ATP8A2: variants seen among roughly 807,000 people sequenced by gnomAD.
ATP8A2 encodes ATPase phospholipid transporting 8A2, also known as phospholipid-transporting ATPase IB.
ATP8A2 carries 100 observed loss-of-function variants against 165.6 expected under a neutral mutation model. The ratio of observed to expected loss-of-function variants is 0.60; its 90% confidence interval spans 0.51 to 0.71. The LOEUF is 0.71. Ranked by LOEUF, ATP8A2 falls within the 30% of genes least tolerant of loss-of-function variation. ATP8A2 has a pLI of 0.00. For missense variants in ATP8A2, 1,227 were observed against 1,479.5 expected (o/e 0.83, Z 2.80); for synonymous variants, 543 against 548.8 (o/e 0.99, Z 0.15).
At position 25,574,343 on chromosome 13, in the gene ATP8A2, T is replaced by G. The variant is rs1465326415; in HGVS notation, c.1663-465T>G. On this transcript the variant is annotated intron_variant, in intron 18 of 36. Transcript: ENST00000381655. The stretch of plus-strand genomic sequence containing the variant: ...TTTGGCAGCAAAACCTAATCAGAAC[T>G]GACATGAAGCTGTTTATGATCTTTA... Among the ~76,000 whole-genome samples the G allele has an allele frequency of 3.9e-5, 6 of 152,222 alleles. No individual in the cohort carries two copies. The South Asian group carries it at 1.0e-3, about 26-fold the overall frequency.
chr13:25,907,368 TAAAATAAAATA>T lies in ATP8A2; in HGVS notation c.3183+44964_3183+44974del, dbSNP rs930662572. Reference sequence around the variant, plus strand: ...TCCATCTCAAAAATAAATAAAAAAATAAAATAAAATAAAATAAAATAAAAGGAGCTAAGTTA... The same window carrying T: ...TCCATCTCAAAAATAAATAAAAAAATAAATAAAATAAAAGGAGCTAAGTTA... On this transcript the variant is annotated intron_variant, in intron 33 of 36. Coordinates refer to ENST00000381655, the MANE Select transcript of ATP8A2 (RefSeq NM_016529.6). Among the ~76,000 whole-genome samples, 16 of 76,982 alleles carry T rather than the reference TAAAATAAAATA, an allele frequency of 2.1e-4. 1 individual carries two copies. The East Asian group carries it at 2.7e-3, about 13-fold the overall frequency. The allele number at this position is 76,982 out of a possible 152,430, so 50.5% of individuals were successfully genotyped here.
chr13:25,966,028 A>AG (rs1955768738), intron 34 of ATP8A2, among the ~76,000 whole-genome samples: 1 of 77,618 alleles, frequency 1.3e-5, no homozygotes, highest in African/African-American at 4.4e-5. Context: ...AAAGAGTTTC[A>AG]GAAAAAAAAA....
At chr13:25,736,086 T>C (rs61947343) in intron 25 of ATP8A2, among the ~76,000 whole-genome samples, 6,873 of 152,330 alleles carry the variant, frequency 0.045, 179 homozygotes, top group Middle Eastern at 0.068. Flanking sequence ...CAGTAGCATG[T>C]TGTACACATT....
chr13:25,772,748 A>G (rs1380603799), intron 26 of ATP8A2, among the ~76,000 whole-genome samples: 1 of 150,918 alleles, frequency 6.6e-6, no homozygotes, highest in Non-Finnish European at 1.5e-5. Context: ...TTATTTATTT[A>G]TTTATTTATT....
At chr13:25,573,496 C>A (rs1459985302) in intron 18 of ATP8A2, among the ~76,000 whole-genome samples, 1 of 152,154 alleles carries the variant, frequency 6.6e-6, no homozygotes, top group Non-Finnish European at 1.5e-5. Context: ...TTCATCAAAC[C>A]ACCAATTCTC....
intron 1 of ATP8A2, among the ~76,000 whole-genome samples, chr13:25,426,899 T>A (rs565993263): frequency 1.3e-5 from 2 of 152,224 alleles, no homozygotes; most frequent in East Asian, 1.9e-4. Flanking sequence ...TGAGCTGAGA[T>A]CACTCCACTG....
At chr13:25,977,248 T>G (rs1044309663) in intron 35 of ATP8A2, among the ~76,000 whole-genome samples, 1 of 151,868 alleles carries the variant, frequency 6.6e-6, no homozygotes, top group Non-Finnish European at 1.5e-5. Context: ...GCAAAGAACC[T>G]TGGGCAAAGC....
At position 25,862,362 on chromosome 13, in the gene ATP8A2, C is replaced by G; in HGVS notation, c.3137C>G (p.Ser1046Trp). Reference sequence around the variant, plus strand: ...TGGCTGGTGTTTTTTGGCATCTACTCGACCATCTGGCCCACCATTCCCATT... The same window carrying G: ...TGGCTGGTGTTTTTTGGCATCTACTGGACCATCTGGCCCACCATTCCCATT... Reference protein sequence around the residue: ...LTWLVFFGIYSTIWPTIPIAP... With the variant: ...LTWLVFFGIYWTIWPTIPIAP... The change falls in exon 33 of 37, where the codon TCG becomes TGG. Residue 1046 changes from serine (S) to tryptophan (W), a missense_variant. Around this residue, in one of 5 missense-constraint regions of ATP8A2, gnomAD observed 260 missense variants for 245.1 expected, o/e 1.06. Transcript: ENST00000381655. 1 of 1,614,056 alleles carries G rather than the reference C, an allele frequency of 6.2e-7. No homozygotes were observed. Among genetic ancestry groups the G allele is most frequent in the Non-Finnish European group, 8.5e-7 (1 of 1,179,966 alleles).
chr13:25,737,721 C>A (rs141629454), intron 25 of ATP8A2, among the ~76,000 whole-genome samples: 2 of 152,282 alleles, frequency 1.3e-5, no homozygotes, highest in African/African-American at 4.8e-5. Context: ...CTCACTCTGT[C>A]GCCCAGGCTG....
intron 33 of ATP8A2, among the ~76,000 whole-genome samples, chr13:25,960,787 A>C (rs1476918994): frequency 6.6e-6 from 1 of 152,092 alleles, no homozygotes; most frequent in African/African-American, 2.4e-5. Flanking sequence ...TCTGATCCCC[A>C]AAACCCTCTC....
rs983652575 is a variant in ATP8A2 at position 25,696,795 on chromosome 13, A to C, written c.2212-2378A>C. 4.6e-5 allele frequency among the ~76,000 whole-genome samples: 7 copies of C among 152,212 alleles called. No individual in the cohort carries two copies. The South Asian group carries it at 1.4e-3, about 32-fold the overall frequency. On this transcript the variant is annotated intron_variant, in intron 24 of 36. Transcript: ENST00000381655. The stretch of plus-strand genomic sequence containing the variant: ...TTATCATTTGTGTGTTTACTGGAGT[A>C]GCTCTTTTAATTTCCTTCAAGAACT...
At chr13:25,982,239 C>T (rs1956184621) in intron 35 of ATP8A2, among the ~76,000 whole-genome samples, 1 of 152,236 alleles carries the variant, frequency 6.6e-6, no homozygotes, top group Non-Finnish European at 1.5e-5. Flanking sequence ...TCATATGGAA[C>T]TTTGGGCTTA....
At chr13:25,852,189 G>A (rs1022478327) in intron 30 of ATP8A2, among the ~76,000 whole-genome samples, 1 of 152,170 alleles carries the variant, frequency 6.6e-6, no homozygotes, top group African/African-American at 2.4e-5. Flanking sequence ...TTCTCAACCA[G>A]GATTGATTTT....
intron 33 of ATP8A2, among the ~76,000 whole-genome samples, chr13:25,911,508 T>C (rs532294183): frequency 6.6e-6 from 1 of 152,278 alleles, no homozygotes; most frequent in South Asian, 2.1e-4. Context: ...GGGGAAAATG[T>C]GCTAAGAGCC....
intron 25 of ATP8A2, among the ~76,000 whole-genome samples, chr13:25,704,337 CTT>C (rs67458818): frequency 1.5e-4 from 20 of 137,608 alleles, no homozygotes; most frequent in African/African-American, 1.9e-4. Context: ...ACATCTAGGA[CTT>C]TTTTTTTTTT....
At chr13:25,630,694 A>C (rs1188292855) in intron 24 of ATP8A2, among the ~76,000 whole-genome samples, 1 of 152,212 alleles carries the variant, frequency 6.6e-6, no homozygotes, top group Non-Finnish European at 1.5e-5. Flanking sequence ...CATGTAAAAT[A>C]TGCTTCTTAA....
At chr13:25,819,608 C>T (rs2138560755) in intron 27 of ATP8A2, among the ~76,000 whole-genome samples, 1 of 150,774 alleles carries the variant, frequency 6.6e-6, no homozygotes, top group Admixed American at 6.6e-5. Flanking sequence ...GTTTCTAGTT[C>T]ATAGATTTGC....
chr13:25,647,787 G>T (rs1194766070), intron 24 of ATP8A2, among the ~76,000 whole-genome samples: 1 of 151,908 alleles, frequency 6.6e-6, no homozygotes, highest in Admixed American at 6.6e-5. Context: ...CTGGGTTCAA[G>T]TGATTCTCCT....
intron 1 of ATP8A2, among the ~76,000 whole-genome samples, chr13:25,424,099 G>A (rs2034375931): frequency 3.3e-5 from 5 of 152,184 alleles, no homozygotes; most frequent in Admixed American, 2.6e-4. Flanking sequence ...GCTTGGTGTG[G>A]GAAATAGAGC....
Sources: gnomAD v4.1 joint callset for allele counts (sites outside exome capture counted in the v4.1 genomes callset) on GRCh38, gnomAD v4.1.1 for gene constraint, gnomAD v4.1.1 regional missense constraint, MANE v1.5 for transcripts, NCBI Gene and HGNC (gene_info 2026-07-23, HGNC 2026-07-21) for gene names.